The following ZRANB3 variants were observed in gnomAD, a reference collection of about 807,000 sequenced individuals.
ZRANB3 encodes zinc finger RANBP2-type containing 3.
A neutral mutation model predicts 133.8 loss-of-function variants in ZRANB3; 125 were observed. The observed-to-expected ratio is 0.93, with a 90% CI of 0.81 to 1.08. The LOEUF is 1.08. Ranked by LOEUF, ZRANB3 falls within the 50% of genes least tolerant of loss-of-function variation. The probability of loss-of-function intolerance (pLI) is 0.00; values close to 1 mark genes in which losing one functional copy is unlikely to be tolerated. For missense variants in ZRANB3, 1,229 were observed against 1,275.5 expected (o/e 0.96, Z 0.56); for synonymous variants, 387 against 432.7 (o/e 0.89, Z 1.31).
chr2:135,316,983 AAT>A lies in ZRANB3; in HGVS notation c.678-1455_678-1454del, dbSNP rs1553471635. ...CCGTCTCGAGAAAAAAAAAAAAAAA[AAT>A]ATATATATATATATATACTTGCATG... On this transcript the variant is annotated intron_variant, in intron 6 of 20. Transcript: ENST00000264159. 2.2e-3 allele frequency among the ~76,000 whole-genome samples: 284 copies of A among 131,432 alleles called. 2 individuals are homozygous for A. Among genetic ancestry groups the A allele is most frequent in the South Asian group, 6.1e-3 (26 of 4,252 alleles). 86.2% of individuals were successfully genotyped at this position (131,432 alleles called of 152,430 possible).
intron 2 of ZRANB3, among the ~76,000 whole-genome samples, chr2:135,443,675 G>C (rs902843859): frequency 3.2e-4 from 49 of 152,040 alleles, no homozygotes; most frequent in African/African-American, 1.2e-3. Context: ...AAGAACATCA[G>C]ACAAATCCGA....
chr2:135,303,664 T>C (rs1458867556), intron 8 of ZRANB3, among the ~76,000 whole-genome samples: 1 of 152,188 alleles, frequency 6.6e-6, no homozygotes, highest in Non-Finnish European at 1.5e-5. Flanking sequence ...ATAAATTTTA[T>C]ATTTAGTGTG....
At chr2:135,356,518 T>G (rs763363661) in intron 3 of ZRANB3, among the ~76,000 whole-genome samples, 12 of 152,106 alleles carry the variant, frequency 7.9e-5, no homozygotes, top group African/African-American at 2.9e-4. Flanking sequence ...ATAAGAAGAA[T>G]CCTGATATGC....
chr2:135,526,709 C>T (rs1273551217), intron 1 of ZRANB3, among the ~76,000 whole-genome samples: 1 of 152,044 alleles, frequency 6.6e-6, no homozygotes, highest in East Asian at 1.9e-4. Flanking sequence ...ATAGTGAATC[C>T]CCTTCCCCCT....
chr2:135,223,178 G>A (rs1395309541), intron 15 of ZRANB3, among the ~76,000 whole-genome samples: 2 of 151,858 alleles, frequency 1.3e-5, no homozygotes, highest in South Asian at 2.1e-4. Context: ...TTGAACCCAG[G>A]AGGCAGAGGT....
intron 6 of ZRANB3, among the ~76,000 whole-genome samples, chr2:135,316,983 A>AAAATAT (rs35114507): frequency 7.8e-4 from 102 of 131,460 alleles, no homozygotes; most frequent in Middle Eastern, 8.0e-3. Flanking sequence ...AAAAAAAAAA[A>AAAATAT]ATATATATAT....
intron 8 of ZRANB3, among the ~76,000 whole-genome samples, chr2:135,302,877 A>G (rs1472140703): frequency 6.6e-6 from 1 of 152,112 alleles, no homozygotes; most frequent in Non-Finnish European, 1.5e-5. Context: ...GTTCTCATAT[A>G]TGTTCTTTTT....
chr2:135,271,632 TGAA>T (rs1299988097), intron 10 of ZRANB3, 133 bp downstream of exon 10: 2 of 1,057,854 alleles, frequency 1.9e-6, no homozygotes, highest in Non-Finnish European at 2.7e-6. Context: ...TGGAACTCTC[TGAA>T]GAAGAATTAC....
chr2:135,230,625 C>G lies in ZRANB3; in HGVS notation c.1842G>C (p.Gln614His), dbSNP rs1431982577. ...LVESVQEAKAQLTTPAFPVEG... is the reference protein window; with the variant it reads ...LVESVQEAKAHLTTPAFPVEG... ...CTACAGGAAAGGCTGGGGTGGTTAA[C>G]TGGGCCTTGGCCTCCTGTACACTTT... Residue 614 changes from glutamine (Q) to histidine (H), a missense_variant, in exon 13 of 21, where the codon CAG (glutamine) becomes CAC (histidine). Coordinates refer to ENST00000264159, the MANE Select transcript of ZRANB3 (RefSeq NM_032143.4). 3 of 1,613,606 alleles carry G rather than the reference C, an allele frequency of 1.9e-6. No homozygotes were observed. The highest frequency in any genetic ancestry group is 2.5e-6 in the Non-Finnish European group (3 of 1,179,780).
chr2:135,223,447 T>C (rs2105058722), intron 15 of ZRANB3, among the ~76,000 whole-genome samples: 1 of 151,514 alleles, frequency 6.6e-6, no homozygotes, highest in South Asian at 2.1e-4. Flanking sequence ...TGCCTCAGCC[T>C]CCTGAGTAGC....
intron 12 of ZRANB3, among the ~76,000 whole-genome samples, chr2:135,264,851 C>T (rs1260677971): frequency 4.0e-5 from 6 of 151,584 alleles, no homozygotes; most frequent in Non-Finnish European, 7.4e-5. Context: ...GTGGTTCAAG[C>T]GATTCTTGTG....
At chr2:135,319,373 A>G (rs1683412399) in intron 6 of ZRANB3, among the ~76,000 whole-genome samples, 5 of 152,198 alleles carry the variant, frequency 3.3e-5, no homozygotes, top group African/African-American at 7.2e-5. Flanking sequence ...TCAGGTGACA[A>G]TAACTTTGTA....
At chr2:135,514,834 T>G (rs1693634197) in intron 1 of ZRANB3, among the ~76,000 whole-genome samples, 1 of 147,750 alleles carries the variant, frequency 6.8e-6, no homozygotes, top group East Asian at 1.9e-4. Flanking sequence ...TTATTGACAG[T>G]TTTTTTTAGC....
At chr2:135,452,439 T>C (rs888938547) in intron 2 of ZRANB3, among the ~76,000 whole-genome samples, 1 of 152,160 alleles carries the variant, frequency 6.6e-6, no homozygotes. Context: ...AAGTCTTAAC[T>C]AATTTCAGCA....
chr2:135,317,285 A>C (rs1348415082), intron 6 of ZRANB3, among the ~76,000 whole-genome samples: 1 of 152,168 alleles, frequency 6.6e-6, no homozygotes, highest in Non-Finnish European at 1.5e-5. Flanking sequence ...ATACTTGCCA[A>C]TACCTGTTCT....
At chr2:135,511,289 T>C (rs929799821) in intron 1 of ZRANB3, 6 of 994,778 alleles carry the variant, frequency 6.0e-6, no homozygotes, top group Non-Finnish European at 9.7e-6. Flanking sequence ...TTTCTTCTAA[T>C]ACTAGCTCAG....
intron 8 of ZRANB3, among the ~76,000 whole-genome samples, chr2:135,290,646 T>A (rs1216573755): frequency 6.6e-6 from 1 of 152,106 alleles, no homozygotes; most frequent in Non-Finnish European, 1.5e-5. Context: ...TGCTAGTTGT[T>A]GCCTGAATAC....
intron 2 of ZRANB3, among the ~76,000 whole-genome samples, chr2:135,398,256 CG>C (rs891757784): frequency 2.0e-5 from 3 of 151,470 alleles, no homozygotes; most frequent in Non-Finnish European, 4.4e-5. Flanking sequence ...TTAGTAGAGA[CG>C]GGGTTTCACC....
intron 3 of ZRANB3, among the ~76,000 whole-genome samples, chr2:135,361,224 G>C (rs1249630153): frequency 6.6e-6 from 1 of 152,216 alleles, no homozygotes; most frequent in Non-Finnish European, 1.5e-5. Context: ...AATAGAATTT[G>C]TTAATGTGGA....
Sources: gnomAD v4.1 joint callset for allele counts (sites outside exome capture counted in the v4.1 genomes callset) on GRCh38, gnomAD v4.1.1 for gene constraint, MANE v1.5 for transcripts, NCBI Gene and HGNC (gene_info 2026-07-23, HGNC 2026-07-21) for gene names.